The following IMMP2L variants were observed in gnomAD, a reference collection of about 807,000 sequenced individuals.
IMMP2L encodes the protein mitochondrial inner membrane protease subunit 2.
IMMP2L carries 18 observed loss-of-function variants against 19.3 expected under a neutral mutation model. That is an observed-to-expected ratio of 0.93 (90% CI 0.64 to 1.38). IMMP2L has a LOEUF of 1.38. Among genes scored for constraint, IMMP2L ranks in the 40% most tolerant of loss-of-function variants. The probability of loss-of-function intolerance (pLI) is 0.00; values close to 1 mark genes in which losing one functional copy is unlikely to be tolerated. For synonymous variants in IMMP2L, 76 were observed against 73.0 expected, an observed-to-expected ratio of 1.04 and a Z score of -0.21; for missense variants, 233 against 218.2, an observed-to-expected ratio of 1.07 and a Z score of -0.43.
At chr7:111,223,755 T>C (rs529513399) in intron 3 of IMMP2L, among the ~76,000 whole-genome samples, 1 of 152,202 alleles carries the variant, frequency 6.6e-6, no homozygotes, top group South Asian at 2.1e-4. Context: ...CATACCTGGG[T>C]TGGCTGATAT....
At chr7:110,895,252 A>G (rs1181648843) in intron 4 of IMMP2L, among the ~76,000 whole-genome samples, 4 of 152,090 alleles carry the variant, frequency 2.6e-5, no homozygotes, top group Non-Finnish European at 5.9e-5. Context: ...CCATAATTCA[A>G]TCACTTTCCA....
At chr7:110,748,194 T>G (rs1200598669) in intron 5 of IMMP2L, among the ~76,000 whole-genome samples, 1 of 152,084 alleles carries the variant, frequency 6.6e-6, no homozygotes, top group Non-Finnish European at 1.5e-5. Context: ...TTATAATGGA[T>G]GTGAAGGACC....
chr7:110,798,956 T>C (rs1051821459), intron 5 of IMMP2L, among the ~76,000 whole-genome samples: 1 of 152,032 alleles, frequency 6.6e-6, no homozygotes, highest in Admixed American at 6.6e-5. Flanking sequence ...TGGTCCTTTG[T>C]TTTGCTGACT....
chr7:111,082,376 G>A (rs1008515757), intron 3 of IMMP2L, among the ~76,000 whole-genome samples: 2 of 152,102 alleles, frequency 1.3e-5, no homozygotes, highest in African/African-American at 2.4e-5. Context: ...CTTGGAATGC[G>A]GCAAAAATAA....
intron 5 of IMMP2L, among the ~76,000 whole-genome samples, chr7:110,871,508 G>C (rs547682976): frequency 1.0e-3 from 157 of 152,182 alleles, no homozygotes; most frequent in African/African-American, 3.4e-3. Context: ...AAAAGGAAGT[G>C]GCCAACCATA....
chr7:111,160,982 T>C (rs907654112), intron 3 of IMMP2L, among the ~76,000 whole-genome samples: 26 of 151,670 alleles, frequency 1.7e-4, no homozygotes, highest in Non-Finnish European at 3.0e-5. Flanking sequence ...TGCCAATAAG[T>C]TGAAAAAATG....
chr7:110,795,039 G>T (rs1313693264), intron 5 of IMMP2L, among the ~76,000 whole-genome samples: 1 of 152,098 alleles, frequency 6.6e-6, no homozygotes, highest in Non-Finnish European at 1.5e-5. Flanking sequence ...ATGGGGAGAT[G>T]CAGTGAAGAC....
chr7:111,307,438 A>G (rs1370966402), intron 3 of IMMP2L, among the ~76,000 whole-genome samples: 1 of 151,838 alleles, frequency 6.6e-6, no homozygotes, highest in African/African-American at 2.4e-5. Context: ...GCTTATGTGT[A>G]CCATATTCTG....
chr7:111,150,194 T>C (rs893277873), intron 3 of IMMP2L, among the ~76,000 whole-genome samples: 15 of 152,160 alleles, frequency 9.9e-5, no homozygotes, highest in African/African-American at 3.4e-4. Context: ...GGGGTTGACA[T>C]AACCCACCAA....
chr7:111,195,539 T>C (rs1382512340), intron 3 of IMMP2L, among the ~76,000 whole-genome samples: 1 of 152,168 alleles, frequency 6.6e-6, no homozygotes. Flanking sequence ...CTTTTTATTG[T>C]GTAGAAACTT....
intron 3 of IMMP2L, among the ~76,000 whole-genome samples, chr7:111,162,493 A>G (rs1350440180): frequency 1.3e-5 from 2 of 152,108 alleles, no homozygotes; most frequent in African/African-American, 2.4e-5. Context: ...AATATATACT[A>G]CAGTCATCAA....
At chr7:111,485,867 T>A (rs377590440) in intron 3 of IMMP2L, among the ~76,000 whole-genome samples, 9 of 152,074 alleles carry the variant, frequency 5.9e-5, no homozygotes, top group African/African-American at 2.2e-4. Context: ...TTAGAGATAG[T>A]CAGCATGTTT....
At chr7:111,033,657 T>C (rs1288070985) in intron 3 of IMMP2L, among the ~76,000 whole-genome samples, 3 of 152,098 alleles carry the variant, frequency 2.0e-5, no homozygotes, top group Admixed American at 6.6e-5. Flanking sequence ...TATTAAGTCA[T>C]GAAAAATCAT....
intron 4 of IMMP2L, among the ~76,000 whole-genome samples, chr7:110,891,255 T>C (rs75390839): frequency 7.0e-6 from 1 of 142,888 alleles, no homozygotes; most frequent in South Asian, 2.2e-4. Flanking sequence ...AAAAAAAAAA[T>C]CCACCATCAG....
intron 3 of IMMP2L, among the ~76,000 whole-genome samples, chr7:111,408,639 T>A (rs915811728): frequency 1.3e-5 from 2 of 151,806 alleles, no homozygotes; most frequent in African/African-American, 4.9e-5. Context: ...AAATTTCACA[T>A]GGCAGTAAGC....
chr7:111,471,119 T>C (rs555097735), intron 3 of IMMP2L, among the ~76,000 whole-genome samples: 4 of 152,140 alleles, frequency 2.6e-5, no homozygotes, highest in African/African-American at 9.6e-5. Flanking sequence ...TTTTGTAGAA[T>C]ATTAGAGATA....
intron 3 of IMMP2L, among the ~76,000 whole-genome samples, chr7:111,043,228 A>T (rs557013379): frequency 6.6e-6 from 1 of 152,350 alleles, no homozygotes; most frequent in African/African-American, 2.4e-5. Context: ...CCTTTCCTAA[A>T]GGTGTCTCTT....
chr7:111,066,781 C>T (rs1794543048), intron 3 of IMMP2L, among the ~76,000 whole-genome samples: 1 of 152,094 alleles, frequency 6.6e-6, no homozygotes, highest in African/African-American at 2.4e-5. Flanking sequence ...TTGGGTCATG[C>T]TAGAGAGTCT....
At chr7:111,539,792 T>G (rs1459210623) in intron 1 of IMMP2L, among the ~76,000 whole-genome samples, 1 of 152,188 alleles carries the variant, frequency 6.6e-6, no homozygotes, top group Non-Finnish European at 1.5e-5. Flanking sequence ...CAAGCTCTAA[T>G]GTATTTCATA....
Sources: allele counts gnomAD v4.1 joint callset (sites outside exome capture counted in the v4.1 genomes callset), GRCh38; gene constraint gnomAD v4.1.1; transcripts MANE v1.5; gene names NCBI Gene and HGNC (gene_info 2026-07-23, HGNC 2026-07-21).